The following ADARB1 variants were observed in gnomAD, a reference collection of about 807,000 sequenced individuals.
ADARB1 encodes double-stranded RNA-specific editase 1.
ADARB1 carries 10 observed loss-of-function variants against 52.4 expected under a neutral mutation model. The ratio of observed to expected loss-of-function variants is 0.19; its 90% CI spans 0.12 to 0.32. ADARB1 has a LOEUF of 0.32. Ranked by LOEUF, ADARB1 falls within the 10% of genes least tolerant of loss-of-function variation. The pLI, the probability that ADARB1 is intolerant of heterozygous loss-of-function variation, is 1.00. For missense variants in ADARB1, 643 were observed against 922.3 expected (o/e 0.70, Z 3.92); for synonymous variants, 349 against 371.1 (o/e 0.94, Z 0.68).
In ADARB1 at chr21:45,128,469, G is replaced by A. The variant is rs190895413; in HGVS notation, c.-152G>A. On this transcript the variant is annotated 5_prime_UTR_variant, in exon 2 of 11. Transcript: ENST00000348831. This position sits in a 1 kb window ranked among gnomAD's most constrained non-coding sequence, Gnocchi z 4.6. ...TGAAGGAGACACACTGGCCAAGCGCGGAGTTCTGCTTACTTCAGTCCTGCT... is the reference window on the plus strand; with the variant it reads ...TGAAGGAGACACACTGGCCAAGCGCAGAGTTCTGCTTACTTCAGTCCTGCT... The A allele has an allele frequency of 1.4e-4, 22 of 152,314 alleles. No homozygotes were observed. In the East Asian group the frequency reaches 3.7e-3, roughly 25 times the overall value. The allele number at this position is 152,314 out of a possible 1,614,324, so 9.4% of individuals were successfully genotyped here.
chr21:45,226,266 C>A lies in ADARB1; in HGVS notation c.*4069C>A, dbSNP rs909966303. On this transcript the variant is annotated 3_prime_UTR_variant, in exon 11 of 11. Coordinates refer to ENST00000348831, the MANE Select transcript of ADARB1 (RefSeq NM_001112.4). ...TGAACTGAACGGTTAAAAGCACAGT[C>A]TATGGAACGCTAATGGAGTCAGCCC... 2 of 152,558 alleles carry A rather than the reference C, an allele frequency of 1.3e-5. No homozygotes were observed. Among genetic ancestry groups the A allele is most frequent in the African/African-American group, 2.4e-5 (1 of 41,466 alleles). 9.5% of individuals were successfully genotyped at this position (152,558 alleles called of 1,614,324 possible). A position where few individuals can be genotyped will look rare whatever the true frequency, so the allele number is the denominator to read the frequency against.
At chr21:45,144,840 C>G (rs769986141) in intron 2 of ADARB1, 2 of 203,894 alleles carry the variant, frequency 9.8e-6, no homozygotes, top group Non-Finnish European at 2.1e-5. Flanking sequence ...CCGGGAGAGT[C>G]TAAATTACTC....
intron 2 of ADARB1, among the ~76,000 whole-genome samples, chr21:45,168,906 T>C (rs1343936921): frequency 6.6e-6 from 1 of 152,220 alleles, no homozygotes; most frequent in Non-Finnish European, 1.5e-5. Flanking sequence ...TTATATGATA[T>C]TATGAGACTC....
Position 45,222,027 on chromosome 21 carries a change from C to T in ADARB1, c.1936C>T (p.His646Tyr), listed in dbSNP as rs773853455. Reference protein sequence around the residue: ...WMRVHGKVPSHLLRSKITKPN... With the variant: ...WMRVHGKVPSYLLRSKITKPN... ...TTTTATCCCTTCACAGGTTCCCTCC[C>T]ACTTACTACGCTCCAAGATTACCAA... Residue 646 changes from histidine (H) to tyrosine (Y), a missense_variant, in exon 11 of 11, where the codon CAC (histidine) becomes TAC (tyrosine). By Grantham distance (83) the His-to-Tyr change is moderately conservative. Transcript: ENST00000348831. The T allele has an allele frequency of 6.2e-7, 1 of 1,613,554 alleles. No individual in the cohort carries two copies. The highest frequency in any genetic ancestry group is 1.3e-5 in the African/African-American group (1 of 74,926).
At chr21:45,124,150 AT>A (rs1486923806) in intron 1 of ADARB1, among the ~76,000 whole-genome samples, 1 of 152,230 alleles carries the variant, frequency 6.6e-6, no homozygotes, top group Non-Finnish European at 1.5e-5. Flanking sequence ...TTTAAAAAAT[AT>A]TATTGGATTG....
chr21:45,203,333 T>G (rs2092601324), intron 8 of ADARB1, among the ~76,000 whole-genome samples: 1 of 152,242 alleles, frequency 6.6e-6, no homozygotes, highest in Admixed American at 6.5e-5. Flanking sequence ...GGAGCATTCC[T>G]TCAAGTACAT....
chr21:45,132,855 G>A (rs145609445), intron 2 of ADARB1, among the ~76,000 whole-genome samples: 1 of 152,314 alleles, frequency 6.6e-6, no homozygotes, highest in East Asian at 1.9e-4. Flanking sequence ...TGAAAGCAGA[G>A]TCTACTGGAT....
chr21:45,086,826 C>T (rs1403049694), intron 1 of ADARB1, among the ~76,000 whole-genome samples: 1 of 152,112 alleles, frequency 6.6e-6, no homozygotes, highest in African/African-American at 2.4e-5. Context: ...AGGTAGATTC[C>T]TAGGAGTTCG....
intron 1 of ADARB1, among the ~76,000 whole-genome samples, chr21:45,122,535 TC>T (rs1211261492): frequency 6.6e-6 from 1 of 152,216 alleles, no homozygotes; most frequent in Non-Finnish European, 1.5e-5. Context: ...GAAGAGGATT[TC>T]CTGCGACTAG....
intron 2 of ADARB1, among the ~76,000 whole-genome samples, chr21:45,129,103 C>T (rs879870846): frequency 2.6e-5 from 4 of 151,962 alleles, no homozygotes; most frequent in African/African-American, 4.8e-5. Flanking sequence ...TGATGGTGCA[C>T]GCTTGTAGTC....
intron 5 of ADARB1, among the ~76,000 whole-genome samples, chr21:45,182,126 T>C (rs1208496486): frequency 6.6e-6 from 1 of 152,274 alleles, no homozygotes; most frequent in Non-Finnish European, 1.5e-5. Flanking sequence ...CATCACAAGT[T>C]AATTCTGTTT....
Position 45,110,872 on chromosome 21 carries a change from G to C in ADARB1, c.-219-17530G>C, listed in dbSNP as rs765493842. 5.3e-5 allele frequency among the ~76,000 whole-genome samples: 8 copies of C among 152,262 alleles called. No individual in the cohort carries two copies. The South Asian group carries it at 1.7e-3, about 32-fold the overall frequency. ...CTGCTGGAAGGTACTCCTGAGTGCTGTGCTGAGCTCTGCCCATCTGTCCAT... is the reference window on the plus strand; with the variant it reads ...CTGCTGGAAGGTACTCCTGAGTGCTCTGCTGAGCTCTGCCCATCTGTCCAT... On this transcript the variant is annotated intron_variant, in intron 1 of 10. Transcript: ENST00000348831.
At chr21:45,171,772 T>C in intron 3 of ADARB1, 88 bp downstream of exon 3, 1 of 1,240,206 alleles carries the variant, frequency 8.1e-7, no homozygotes, top group East Asian at 2.5e-5. Context: ...ATGAGACCAG[T>C]GTGGGGATTG....
Position 45,208,625 on chromosome 21 carries a change from C to CGT in ADARB1, c.1747+3903_1747+3904dup, listed in dbSNP as rs140830100. 1.3e-5 allele frequency among the ~76,000 whole-genome samples: 2 copies of CGT among 149,270 alleles called. No individual in the cohort carries two copies. Among genetic ancestry groups the CGT allele is most frequent in the Non-Finnish European group, 3.0e-5 (2 of 66,862 alleles). ...TGGAAAGTGTGTGTGTGTATGTGTGCGTGTGTGTGTGTGTGAGTGCATGTG... is the reference window on the plus strand; with the variant it reads ...TGGAAAGTGTGTGTGTGTATGTGTGCGTGTGTGTGTGTGTGTGAGTGCATGTG... On this transcript the variant is annotated intron_variant, in intron 9 of 10. Transcript: ENST00000348831. The surrounding 1 kb of genome is among the most constrained non-coding windows in gnomAD (Gnocchi z 5.6).
At chr21:45,081,291 C>G (rs1395893557) in intron 1 of ADARB1, among the ~76,000 whole-genome samples, 1 of 152,112 alleles carries the variant, frequency 6.6e-6, no homozygotes, top group African/African-American at 2.4e-5. Context: ...AGGCAGACAC[C>G]GTGCCTCACA....
intron 2 of ADARB1, among the ~76,000 whole-genome samples, chr21:45,150,854 G>A (rs1279169988): frequency 1.3e-5 from 2 of 152,188 alleles, no homozygotes; most frequent in Non-Finnish European, 2.9e-5. Flanking sequence ...CTGCCTGACC[G>A]TCACTCGTGC....
Position 45,203,393 on chromosome 21 carries a change from T to C in ADARB1, c.1566-1162T>C, listed in dbSNP as rs182556992. On this transcript the variant is annotated intron_variant, in intron 8 of 10. Coordinates refer to ENST00000348831, the MANE Select transcript of ADARB1 (RefSeq NM_001112.4). ...ACCCCGCCCTTTCTCCCAAATTGAT[T>C]TTACCTCAATTTATAGTTCTTCATT... Among the ~76,000 whole-genome samples, 360 of 152,312 alleles carry C rather than the reference T, an allele frequency of 2.4e-3. 1 individual carries two copies. The highest frequency in any genetic ancestry group is 8.3e-3 in the African/African-American group (344 of 41,550).
chr21:45,088,411 G>A (rs1382803015), intron 1 of ADARB1, among the ~76,000 whole-genome samples: 1 of 152,146 alleles, frequency 6.6e-6, no homozygotes, highest in Non-Finnish European at 1.5e-5. Context: ...ATTTGAGCAA[G>A]GAAATGAGTA....
At position 45,225,699 on chromosome 21, in the gene ADARB1, C is replaced by A; in HGVS notation, c.*3502C>A. 1 of 727,714 alleles carries A rather than the reference C, an allele frequency of 1.4e-6. No individual in the cohort carries two copies. The highest frequency in any genetic ancestry group is 2.0e-6 in the Non-Finnish European group (1 of 509,580). 45.1% of individuals were successfully genotyped at this position (727,714 alleles called of 1,614,324 possible). On this transcript the variant is annotated 3_prime_UTR_variant, in exon 11 of 11. Coordinates refer to ENST00000348831, the MANE Select transcript of ADARB1 (RefSeq NM_001112.4). Reference sequence around the variant, plus strand: ...TTTTTCCTTCTCAAACACTTTACCCCAGAAGCAGGTGGTCTGCCCCAGGCA... The same window carrying A: ...TTTTTCCTTCTCAAACACTTTACCCAAGAAGCAGGTGGTCTGCCCCAGGCA...
Sources: allele counts gnomAD v4.1 joint callset (sites outside exome capture counted in the v4.1 genomes callset), GRCh38; gene constraint gnomAD v4.1.1; non-coding constraint Gnocchi (gnomAD v3.1); transcripts MANE v1.5; gene names NCBI Gene and HGNC (gene_info 2026-07-23, HGNC 2026-07-21).